Variants in CUX2 observed in about 807,000 individuals in gnomAD.
CUX2 encodes the protein cut like homeobox 2.
CUX2 carries 40 observed loss-of-function variants against 144.8 expected under a neutral mutation model. The observed-to-expected ratio is 0.28, with a 90% CI of 0.21 to 0.36. The LOEUF (loss-of-function observed/expected upper bound fraction) is 0.36, where lower values mean the gene tolerates loss of function less well. Ranked by LOEUF, CUX2 falls within the 10% of genes least tolerant of loss-of-function variation. The probability of loss-of-function intolerance (pLI) is 1.00; values close to 1 mark genes in which losing one functional copy is unlikely to be tolerated. For synonymous variants in CUX2, 827 were observed against 875.6 expected (o/e 0.94, Z 0.98); for missense variants, 1,615 against 1,994.0 (o/e 0.81, Z 3.62).
chr12:111,130,932 C>T (rs1875431186), intron 1 of CUX2, among the ~76,000 whole-genome samples: 1 of 152,234 alleles, frequency 6.6e-6, no homozygotes, highest in African/African-American at 2.4e-5. Context: ...TTTTATGTTC[C>T]TTCCACCATT....
chr12:111,126,698 C>T (rs767117027), intron 1 of CUX2, among the ~76,000 whole-genome samples: 2 of 152,172 alleles, frequency 1.3e-5, no homozygotes, highest in Non-Finnish European at 1.5e-5. Context: ...CTGGAGGCCC[C>T]GTCACAGATA....
chr12:111,055,058 C>T (rs532179772), intron 1 of CUX2, among the ~76,000 whole-genome samples: 1 of 152,370 alleles, frequency 6.6e-6, no homozygotes, highest in African/African-American at 2.4e-5. Context: ...GCTCTCCTGT[C>T]TCTTGTTATT....
At chr12:111,271,169 G>A (rs1052631288) in intron 4 of CUX2, among the ~76,000 whole-genome samples, 1 of 152,096 alleles carries the variant, frequency 6.6e-6, no homozygotes, top group African/African-American at 2.4e-5. Context: ...CAGGCAACAG[G>A]GTTCCTGAGC....
chr12:111,067,462 T>C (rs875154), intron 1 of CUX2, among the ~76,000 whole-genome samples: 9,410 of 152,256 alleles, frequency 0.062, 973 homozygotes, highest in African/African-American at 0.22. Context: ...GACAGAGTCC[T>C]GATTTGAATC....
chr12:111,061,215 C>CACAG lies in CUX2; in HGVS notation c.63+26976_63+26977insCAGA, dbSNP rs1555265598. On this transcript the variant is annotated intron_variant, in intron 1 of 21. Transcript: ENST00000261726. The surrounding 1 kb of genome is among the most constrained non-coding windows in gnomAD (Gnocchi z 4.2). ...ACACACACACACACACACACACACA[C>CACAG]AGCAAGGAGGATGCCTGGCTTTCTG... Among the ~76,000 whole-genome samples, 6 of 150,686 alleles carry CACAG rather than the reference C, an allele frequency of 4.0e-5. No homozygotes were observed. The South Asian group carries it at 6.3e-4, about 16-fold the overall frequency.
chr12:111,203,827 G>A (rs1301750974), intron 1 of CUX2, among the ~76,000 whole-genome samples: 1 of 152,202 alleles, frequency 6.6e-6, no homozygotes, highest in African/African-American at 2.4e-5. Flanking sequence ...ACCTAGGCAG[G>A]CAATGACAGT....
At chr12:111,326,615 A>G (rs1887833618) in intron 18 of CUX2, among the ~76,000 whole-genome samples, 1 of 151,968 alleles carries the variant, frequency 6.6e-6, no homozygotes, top group African/African-American at 2.4e-5. Context: ...AGTAAAATTC[A>G]CATAACAGCT....
At chr12:111,088,525 C>T (rs1411452534) in intron 1 of CUX2, among the ~76,000 whole-genome samples, 2 of 152,086 alleles carry the variant, frequency 1.3e-5, no homozygotes, top group African/African-American at 2.4e-5. Context: ...TACGATGTGA[C>T]GCATTAACTG....
intron 3 of CUX2, among the ~76,000 whole-genome samples, chr12:111,218,531 A>C (rs1010565357): frequency 6.6e-6 from 1 of 152,184 alleles, no homozygotes; most frequent in African/African-American, 2.4e-5. Context: ...CAATAAAAAA[A>C]TAAAATTTAA....
intron 1 of CUX2, among the ~76,000 whole-genome samples, chr12:111,114,489 G>C (rs754282918): frequency 1.1e-4 from 16 of 152,182 alleles, no homozygotes; most frequent in Non-Finnish European, 2.4e-4. Flanking sequence ...ATATTCTGGG[G>C]ATCAGTTCTC....
At chr12:111,074,157 C>T (rs1218499023) in intron 1 of CUX2, among the ~76,000 whole-genome samples, 1 of 151,888 alleles carries the variant, frequency 6.6e-6, no homozygotes. Flanking sequence ...TCCATTTCTT[C>T]TGTCTTCTGA....
rs1030939486 is a variant in CUX2, at chr12:111,057,887, G to A, written c.63+23647G>A. On this transcript the variant is annotated intron_variant, in intron 1 of 21. Transcript: ENST00000261726. The surrounding 1 kb of genome is among the most constrained non-coding windows in gnomAD (Gnocchi z 5.1). ...CTGCCCAGAGTCACTTAATGGGGACGCCTGGGTAATGACTGAACGCGCTAA... is the reference window on the plus strand; with the variant it reads ...CTGCCCAGAGTCACTTAATGGGGACACCTGGGTAATGACTGAACGCGCTAA... Among the ~76,000 whole-genome samples the A allele has an allele frequency of 1.6e-4, 24 of 152,140 alleles. No individual in the cohort carries two copies. Among genetic ancestry groups the A allele is most frequent in the African/African-American group, 5.8e-4 (24 of 41,440 alleles).
chr12:111,292,024 A>G (rs1432790550), intron 5 of CUX2, among the ~76,000 whole-genome samples: 1 of 152,122 alleles, frequency 6.6e-6, no homozygotes, highest in East Asian at 1.9e-4. Context: ...GGGAGGGGAA[A>G]ATGTCTGGCA....
Position 111,214,189 on chromosome 12 carries a change from T to TTA in CUX2, c.64-11_64-10insTA, listed in dbSNP as rs1555204354. The TTA allele has an allele frequency of 4.7e-4, 657 of 1,398,836 alleles. 1 individual carries two copies. Among genetic ancestry groups the TTA allele is most frequent in the Non-Finnish European group, 5.5e-4 (568 of 1,036,984 alleles). The allele number at this position is 1,398,836 out of a possible 1,614,324, so 86.7% of individuals were successfully genotyped here. ...TCTCTCTCTCTTTTTTTTTTTTTTT[T>TTA]ATTGTTCCAGAAGGAGCTTAATTCC... On this transcript the variant is annotated splice_polypyrimidine_tract_variant and intron_variant, in intron 1 of 21. Coordinates refer to ENST00000261726, the MANE Select transcript of CUX2 (RefSeq NM_015267.4).
rs1166476726 is a variant in CUX2 at position 111,293,984 on chromosome 12, T to C, written c.560+415T>C. 6.6e-6 allele frequency among the ~76,000 whole-genome samples: 1 copy of C among 152,256 alleles called. No individual in the cohort carries two copies. The highest frequency in any genetic ancestry group is 1.5e-5 in the Non-Finnish European group (1 of 68,052). On this transcript the variant is annotated intron_variant, in intron 6 of 21. Coordinates refer to ENST00000261726, the MANE Select transcript of CUX2 (RefSeq NM_015267.4). The surrounding 1 kb of genome is among the most constrained non-coding windows in gnomAD (Gnocchi z 4.5). ...TTGGTGCTGCAATCTTTTTAAATTT[T>C]ATTTTACAATAATTATAATGTTTTA...
chr12:111,183,256 G>T (rs1284579890), intron 1 of CUX2, among the ~76,000 whole-genome samples: 1 of 152,248 alleles, frequency 6.6e-6, no homozygotes, highest in Non-Finnish European at 1.5e-5. Context: ...TGGGCTCTGG[G>T]ATAGCCAAGA....
intron 1 of CUX2, among the ~76,000 whole-genome samples, chr12:111,124,889 C>A (rs549535518): frequency 2.0e-4 from 30 of 152,216 alleles, no homozygotes; most frequent in Admixed American, 1.1e-3. Context: ...TGAGAACATG[C>A]GGTATTTAGT....
chr12:111,113,413 C>T (rs937942521), intron 1 of CUX2, among the ~76,000 whole-genome samples: 12 of 151,966 alleles, frequency 7.9e-5, no homozygotes, highest in African/African-American at 2.9e-4. Flanking sequence ...CTTGTTGCTG[C>T]TCCTTTACAT....
intron 16 of CUX2, among the ~76,000 whole-genome samples, chr12:111,315,412 C>A (rs371968723): frequency 2.0e-5 from 3 of 152,148 alleles, no homozygotes; most frequent in East Asian, 1.9e-4. Context: ...AAAGGTAGAA[C>A]TTTTAATGAT....
Sources: gnomAD v4.1 joint callset for allele counts (sites outside exome capture counted in the v4.1 genomes callset) on GRCh38, gnomAD v4.1.1 for gene constraint, Gnocchi (gnomAD v3.1) non-coding constraint, MANE v1.5 for transcripts, NCBI Gene and HGNC (gene_info 2026-07-23, HGNC 2026-07-21) for gene names.